Variants in SLC12A2 observed in about 807,000 individuals in gnomAD.
SLC12A2 encodes solute carrier family 12 member 2.
In SLC12A2, 67 loss-of-function variants were observed where a neutral mutation model predicts 136.3. The ratio of observed to expected loss-of-function variants is 0.49; its 90% CI spans 0.40 to 0.60. SLC12A2 has a LOEUF of 0.60. Among genes scored for constraint, SLC12A2 ranks in the 20% least tolerant of loss-of-function variants. The pLI is 0.00. For synonymous variants in SLC12A2, 619 were observed against 562.9 expected (o/e 1.10, Z -1.41); for missense variants, 1,322 against 1,534.7 (o/e 0.86, Z 2.32).
intron 21 of SLC12A2, 88 bp downstream of exon 21, chr5:128,177,240 GT>G: frequency 2.1e-6 from 2 of 938,656 alleles, no homozygotes; most frequent in Non-Finnish European, 3.2e-6. Context: ...TTTAACCTTG[GT>G]TTTTATTTCC....
rs1763048359 is a variant in SLC12A2 at position 128,161,808 on chromosome 5, T to C, written c.2616+8T>C. Reference sequence around the variant, plus strand: ...GCACAGTATTTGATGCAGGTAACTTTGTTAATGCTTTTCAAATGCCTACAT... The same window carrying C: ...GCACAGTATTTGATGCAGGTAACTTCGTTAATGCTTTTCAAATGCCTACAT... On this transcript the variant is annotated splice_region_variant and intron_variant, in intron 17 of 26. Transcript: ENST00000262461. 1 of 1,416,804 alleles carries C rather than the reference T, an allele frequency of 7.1e-7. No homozygotes were observed. Among genetic ancestry groups the C allele is most frequent in the Non-Finnish European group, 9.2e-7 (1 of 1,081,300 alleles). The allele number at this position is 1,416,804 out of a possible 1,614,324, so 87.8% of individuals were successfully genotyped here.
At chr5:128,137,920 G>T (rs1005376105) in intron 7 of SLC12A2, among the ~76,000 whole-genome samples, 3 of 151,478 alleles carry the variant, frequency 2.0e-5, no homozygotes, top group Non-Finnish European at 2.9e-5. Context: ...ATATTATTAT[G>T]ATGTTGCTTT....
chr5:128,144,400 G>A (rs886180692), intron 10 of SLC12A2, among the ~76,000 whole-genome samples: 1 of 152,124 alleles, frequency 6.6e-6, no homozygotes, highest in South Asian at 2.1e-4. Flanking sequence ...GAGTATGTAA[G>A]TTGGAGTCTC....
At chr5:128,090,299 C>A (rs771159971) in intron 1 of SLC12A2, among the ~76,000 whole-genome samples, 2 of 152,132 alleles carry the variant, frequency 1.3e-5, no homozygotes, top group Non-Finnish European at 2.9e-5. Flanking sequence ...GATATCTTCT[C>A]TGTGTGTATT....
At chr5:128,168,018 T>C in intron 18 of SLC12A2, 151 bp downstream of exon 18, 1 of 531,390 alleles carries the variant, frequency 1.9e-6, no homozygotes. Flanking sequence ...GGGTTTTAAA[T>C]TGATAATCTA....
intron 1 of SLC12A2, among the ~76,000 whole-genome samples, chr5:128,090,290 A>G (rs1760261261): frequency 6.6e-6 from 1 of 152,196 alleles, no homozygotes; most frequent in South Asian, 2.1e-4. Context: ...TGCTAAATTG[A>G]TATCTTCTCT....
rs771893106 is a variant in SLC12A2 at position 128,084,302 on chromosome 5, C to G, written c.348C>G (p.Thr116=). 2.0e-6 allele frequency: 3 copies of G among 1,510,160 alleles called. No individual in the cohort carries two copies. Among genetic ancestry groups the G allele is most frequent in the Non-Finnish European group, 2.6e-6 (3 of 1,134,800 alleles). 93.5% of individuals were successfully genotyped at this position (1,510,160 alleles called of 1,614,324 possible). The change falls in exon 1 of 27, where the codon ACC becomes ACG. Residue 116 remains threonine, a synonymous_variant. Transcript: ENST00000262461. The surrounding 1 kb of genome is among the most constrained non-coding windows in gnomAD (Gnocchi z 5.6). ...AAGAGAGAKQ[T]PADGEASGES... ...GTGCTGGGGCGGGGGCCAAGCAGAC[C>G]CCCGCGGACGGGGAAGCCAGCGGCG...
rs199789673 is a variant in SLC12A2, at chr5:128,116,417, A to ATC, written c.1048+1740_1048+1741dup. On this transcript the variant is annotated intron_variant, in intron 4 of 26. Transcript: ENST00000262461. The stretch of plus-strand genomic sequence containing the variant: ...TAAATATATATATATATATATATAT[A>ATC]TCTCTTTACAAATACATCTGCCTGA... Among the ~76,000 whole-genome samples the ATC allele has an allele frequency of 4.7e-5, 6 of 128,094 alleles. No homozygotes were observed. In the South Asian group the frequency reaches 7.7e-4, roughly 16 times the overall value. 84.0% of individuals were successfully genotyped at this position (128,094 alleles called of 152,430 possible). A position where few individuals can be genotyped will look rare whatever the true frequency, so the allele number is the denominator to read the frequency against.
At chr5:128,110,545 AT>A (rs1370428596) in intron 1 of SLC12A2, 3 of 1,354,228 alleles carry the variant, frequency 2.2e-6, no homozygotes, top group Non-Finnish European at 3.2e-6. Flanking sequence ...TGTGAAACAC[AT>A]TTCATTTTTT....
rs996279245 is a variant in SLC12A2 at position 128,151,394 on chromosome 5, C to T, written c.2261C>T (p.Pro754Leu). Residue 754 changes from proline to leucine, a missense_variant and splice_region_variant, in exon 14 of 27, where the codon CCA becomes CTA. By Grantham distance (98) the Pro-to-Leu change is moderately conservative. Around this residue, in one of 8 missense-constraint regions of SLC12A2, gnomAD observed 294 missense variants for 436.6 expected, o/e 0.67. Transcript: ENST00000262461. Reference sequence around the variant, plus strand: ...TATATTTATGTTACCTACAAAAAACCAGGTCAGTAGCCTTTTTTGTTTATA... The same window carrying T: ...TATATTTATGTTACCTACAAAAAACTAGGTCAGTAGCCTTTTTTGTTTATA... ...GLYIYVTYKK[P>L]DVNWGSSTQA... The T allele has an allele frequency of 6.2e-7, 1 of 1,607,448 alleles. No individual in the cohort carries two copies. Among genetic ancestry groups the T allele is most frequent in the African/African-American group, 1.3e-5 (1 of 74,724 alleles).
chr5:128,128,816 A>C (rs963226740), intron 4 of SLC12A2, among the ~76,000 whole-genome samples: 4 of 151,872 alleles, frequency 2.6e-5, no homozygotes, highest in Non-Finnish European at 5.9e-5. Flanking sequence ...AAAAAAAAAA[A>C]AAAACCTCTA....
At chr5:128,122,883 T>C (rs1384660631) in intron 4 of SLC12A2, among the ~76,000 whole-genome samples, 1 of 152,134 alleles carries the variant, frequency 6.6e-6, no homozygotes, top group East Asian at 1.9e-4. Flanking sequence ...TTTGAAATTA[T>C]AACTTTTCAG....
chr5:128,119,648 G>A (rs1159404558), intron 4 of SLC12A2, among the ~76,000 whole-genome samples: 1 of 152,120 alleles, frequency 6.6e-6, no homozygotes, highest in South Asian at 2.1e-4. Context: ...TTTGAAGTCA[G>A]GTAGTGTGAT....
rs891824890 is a variant in SLC12A2, at chr5:128,186,719, A to G, written c.*88A>G. On this transcript the variant is annotated 3_prime_UTR_variant, in exon 27 of 27. Coordinates refer to ENST00000262461, the MANE Select transcript of SLC12A2 (RefSeq NM_001046.3). ...TCTTCAATGACACATTAACATCACA[A>G]TGGCGAATGGTGACTTTTCTTTCAC... The G allele has an allele frequency of 1.8e-5, 24 of 1,304,470 alleles. No homozygotes were observed. Among genetic ancestry groups the G allele is most frequent in the African/African-American group, 4.4e-5 (3 of 68,026 alleles). 80.8% of individuals were successfully genotyped at this position (1,304,470 alleles called of 1,614,324 possible).
At chr5:128,123,380 C>G (rs934774074) in intron 4 of SLC12A2, among the ~76,000 whole-genome samples, 1 of 152,070 alleles carries the variant, frequency 6.6e-6, no homozygotes, top group African/African-American at 2.4e-5. Flanking sequence ...ATTATTGTCA[C>G]CCTTTGATTC....
At chr5:128,110,290 G>T (rs896830447) in intron 1 of SLC12A2, 1 of 815,894 alleles carries the variant, frequency 1.2e-6, no homozygotes, top group African/African-American at 1.7e-5. Context: ...ATATCGTGAT[G>T]CCTACCTACG....
chr5:128,102,813 G>A lies in SLC12A2; in HGVS notation c.757-10001G>A, dbSNP rs562075788. ...TTTTTGTATTATTTATTGAAATGGA[G>A]TTTCACCTTTGTTGCCCAAGCTGGT... is the stretch of plus-strand genomic sequence containing the variant. On this transcript the variant is annotated intron_variant, in intron 1 of 26. Coordinates refer to ENST00000262461, the MANE Select transcript of SLC12A2 (RefSeq NM_001046.3). Among the ~76,000 whole-genome samples, 7 of 150,652 alleles carry A rather than the reference G, an allele frequency of 4.6e-5. No homozygotes were observed. In the East Asian group the frequency reaches 7.8e-4, roughly 17 times the overall value.
intron 9 of SLC12A2, among the ~76,000 whole-genome samples, chr5:128,140,960 G>T (rs375754029): frequency 6.7e-6 from 1 of 149,760 alleles, no homozygotes; most frequent in Non-Finnish European, 1.5e-5. Context: ...TTCAATTTTT[G>T]CTGTCATGCA....
intron 22 of SLC12A2, among the ~76,000 whole-genome samples, chr5:128,179,205 T>C (rs1763625175): frequency 6.6e-6 from 1 of 152,234 alleles, no homozygotes; most frequent in African/African-American, 2.4e-5. Context: ...GGGATTACTC[T>C]GAGACTATGT....
Sources: gnomAD v4.1 joint callset for allele counts (sites outside exome capture counted in the v4.1 genomes callset) on GRCh38, gnomAD v4.1.1 for gene constraint, gnomAD v4.1.1 regional missense constraint, Gnocchi (gnomAD v3.1) non-coding constraint, MANE v1.5 for transcripts, NCBI Gene and HGNC (gene_info 2026-07-23, HGNC 2026-07-21) for gene names.